Variants in AGPAT4 observed in about 807,000 individuals in gnomAD.
AGPAT4 encodes the protein 1-acylglycerol-3-phosphate O-acyltransferase 4, also known as 1-acyl-sn-glycerol-3-phosphate acyltransferase delta.
AGPAT4 carries 15 observed loss-of-function variants against 48.0 expected under a neutral mutation model. The observed-to-expected ratio is 0.31, with a 90% confidence interval of 0.21 to 0.48. The LOEUF is 0.48. AGPAT4 is among the 20% of genes least tolerant of loss of function. AGPAT4 has a pLI of 0.99. For synonymous variants in AGPAT4, 178 were observed against 198.7 expected, an observed-to-expected ratio of 0.90 and a Z score of 0.88; for missense variants, 314 against 482.5, an observed-to-expected ratio of 0.65 and a Z score of 3.27.
chr6:161,160,792 T>G (rs1367516554), intron 3 of AGPAT4: 2 of 351,238 alleles, frequency 5.7e-6, no homozygotes, highest in African/African-American at 4.3e-5. Flanking sequence ...CAGTTTCTCT[T>G]CTGAACGGAC....
In AGPAT4 at chr6:161,133,586, C is replaced by CTT. The variant is rs1371150104; in HGVS notation, c.*2952_*2953dup. 5 of 152,198 alleles carry CTT rather than the reference C, an allele frequency of 3.3e-5. No individual in the cohort carries two copies. Among genetic ancestry groups the CTT allele is most frequent in the African/African-American group, 9.7e-5 (4 of 41,438 alleles). The allele number at this position is 152,198 out of a possible 1,614,324, so 9.4% of individuals were successfully genotyped here. ...GCTGCATCTTCCAAATGGTTGGTGT[C>CTT]TTTTTAAGAGTCCCCGTGGGCTGGC... On this transcript the variant is annotated 3_prime_UTR_variant, in exon 9 of 9. Coordinates refer to ENST00000320285, the MANE Select transcript of AGPAT4 (RefSeq NM_020133.3).
intron 5 of AGPAT4, among the ~76,000 whole-genome samples, chr6:161,151,268 T>C (rs1192522443): frequency 2.0e-5 from 3 of 152,220 alleles, no homozygotes; most frequent in African/African-American, 7.2e-5. Flanking sequence ...GAAAAAGCAA[T>C]CTGCCTTCCT....
intron 1 of AGPAT4, among the ~76,000 whole-genome samples, chr6:161,260,078 C>T (rs1351744922): frequency 4.6e-5 from 7 of 152,130 alleles, no homozygotes; most frequent in Admixed American, 4.6e-4. Context: ...TTAACAAAAG[C>T]ACAGTGGGAT....
chr6:161,254,671 G>A lies in AGPAT4; in HGVS notation c.-90+19267C>T, dbSNP rs967792712. On this transcript the variant is annotated intron_variant, in intron 1 of 8. Coordinates refer to ENST00000320285, the MANE Select transcript of AGPAT4 (RefSeq NM_020133.3). This position sits in a 1 kb window ranked among gnomAD's most constrained non-coding sequence, Gnocchi z 5.9. ...TTCCACTCAGTCCTTCTCATGGAAA[G>A]CAGCATGGGTTAGCAAATCCTTAGA... 6.6e-6 allele frequency among the ~76,000 whole-genome samples: 1 copy of A among 152,152 alleles called. No individual in the cohort carries two copies. Among genetic ancestry groups the A allele is most frequent in the Admixed American group, 6.5e-5 (1 of 15,272 alleles).
chr6:161,154,406 G>T lies in AGPAT4; in HGVS notation c.349-96C>A. ...CTGAAGTAGAAAAAGAGGAGGGGAC[G>T]TTCACACCAGACGCCTCGGGACAGT... On this transcript the variant is annotated intron_variant, in intron 3 of 8. Transcript: ENST00000320285. The surrounding 1 kb of genome is among the most constrained non-coding windows in gnomAD (Gnocchi z 7.8). 7.0e-7 allele frequency: 1 copy of T among 1,426,688 alleles called. No individual in the cohort carries two copies. Among genetic ancestry groups the T allele is most frequent in the Non-Finnish European group, 9.6e-7 (1 of 1,039,008 alleles). 88.4% of individuals were successfully genotyped at this position (1,426,688 alleles called of 1,614,324 possible).
At position 161,236,772 on chromosome 6, in the gene AGPAT4, G is replaced by A. The variant is rs565413517; in HGVS notation, c.-89-4470C>T. On this transcript the variant is annotated intron_variant, in intron 1 of 8. Transcript: ENST00000320285. The surrounding 1 kb of genome is among the most constrained non-coding windows in gnomAD (Gnocchi z 5.0). Reference sequence around the variant, plus strand: ...AAAAAAATAGCTGGATGTGGTGGTGGGTGTCTGTAATCCCAGCTACTCGGG... The same window carrying A: ...AAAAAAATAGCTGGATGTGGTGGTGAGTGTCTGTAATCCCAGCTACTCGGG... 1.6e-4 allele frequency among the ~76,000 whole-genome samples: 25 copies of A among 152,104 alleles called. No homozygotes were observed. The highest frequency in any genetic ancestry group is 5.8e-4 in the African/African-American group (24 of 41,508).
Position 161,264,557 on chromosome 6 carries a change from C to T in AGPAT4, c.-90+9381G>A, listed in dbSNP as rs750638881. On this transcript the variant is annotated intron_variant, in intron 1 of 8. Coordinates refer to ENST00000320285, the MANE Select transcript of AGPAT4 (RefSeq NM_020133.3). This position sits in a 1 kb window ranked among gnomAD's most constrained non-coding sequence, Gnocchi z 6.8. ...GGTGAGGTGGTCCCCCTGGCGTGCCCGCGCATCCCTGCCCTGCAAGTCTTA... is the reference window on the plus strand; with the variant it reads ...GGTGAGGTGGTCCCCCTGGCGTGCCTGCGCATCCCTGCCCTGCAAGTCTTA... 1.3e-5 allele frequency among the ~76,000 whole-genome samples: 2 copies of T among 152,176 alleles called. No homozygotes were observed. The highest frequency in any genetic ancestry group is 1.5e-5 in the Non-Finnish European group (1 of 68,040).
Position 161,141,831 on chromosome 6 carries a change from T to A in AGPAT4, c.844-2211A>T, listed in dbSNP as rs1250881600. 2.6e-5 allele frequency among the ~76,000 whole-genome samples: 4 copies of A among 152,168 alleles called. No individual in the cohort carries two copies. Among genetic ancestry groups the A allele is most frequent in the African/African-American group, 9.7e-5 (4 of 41,440 alleles). ...GCAAGAAGAAAAAAGCACTCCCTTT[T>A]CTAGGAGCTTCCCAACTCAGAACTT... On this transcript the variant is annotated intron_variant, in intron 7 of 8. Transcript: ENST00000320285. The surrounding 1 kb of genome is among the most constrained non-coding windows in gnomAD (Gnocchi z 6.7).
intron 2 of AGPAT4, among the ~76,000 whole-genome samples, chr6:161,174,335 G>C (rs1780365242): frequency 6.6e-6 from 1 of 152,152 alleles, no homozygotes; most frequent in African/African-American, 2.4e-5. Context: ...GCAGTGGTTT[G>C]TAGTTCTCCT....
At chr6:161,209,031 G>GA (rs536444222) in intron 2 of AGPAT4, among the ~76,000 whole-genome samples, 2 of 151,954 alleles carry the variant, frequency 1.3e-5, no homozygotes, top group Admixed American at 6.6e-5. Flanking sequence ...GACTTTCAAG[G>GA]AAAAAAAAGT....
rs1470997900 is a variant in AGPAT4, at chr6:161,204,249, A to G, written c.178+27787T>C. ...TGTGTGTTTATTAATAATTTTGTCT[A>G]TCTTTCTATATAAAGGTAGTGTATA... is the stretch of plus-strand genomic sequence containing the variant. On this transcript the variant is annotated intron_variant, in intron 2 of 8. Transcript: ENST00000320285. This position sits in a 1 kb window ranked among gnomAD's most constrained non-coding sequence, Gnocchi z 4.4. 6.6e-6 allele frequency among the ~76,000 whole-genome samples: 1 copy of G among 152,194 alleles called. No homozygotes were observed.
chr6:161,152,336 G>A (rs572971355), intron 5 of AGPAT4, among the ~76,000 whole-genome samples: 25 of 152,176 alleles, frequency 1.6e-4, no homozygotes, highest in African/African-American at 5.1e-4. Context: ...CCTGGGTCCC[G>A]GCAGCCCCAG....
chr6:161,169,599 G>C lies in AGPAT4; in HGVS notation c.179-3182C>G, dbSNP rs1406727657. Among the ~76,000 whole-genome samples the C allele has an allele frequency of 6.6e-6, 1 of 152,126 alleles. No homozygotes were observed. The highest frequency in any genetic ancestry group is 2.4e-5 in the African/African-American group (1 of 41,430). ...AATCCTTCCACCTTGGCCTCCCAAA[G>C]TGCTGGGATTATAGGCATGAGCCAC... On this transcript the variant is annotated intron_variant, in intron 2 of 8. Transcript: ENST00000320285. The surrounding 1 kb of genome is among the most constrained non-coding windows in gnomAD (Gnocchi z 5.0).
chr6:161,258,047 G>A (rs978946598), intron 1 of AGPAT4, among the ~76,000 whole-genome samples: 9 of 152,144 alleles, frequency 5.9e-5, no homozygotes, highest in African/African-American at 1.9e-4. Context: ...TACTTCCTAC[G>A]TTAAAACACT....
rs117250485 is a variant in AGPAT4 at position 161,155,466 on chromosome 6, G to T, written c.349-1156C>A. Among the ~76,000 whole-genome samples, 1 of 152,012 alleles carries T rather than the reference G, an allele frequency of 6.6e-6. No homozygotes were observed. Among genetic ancestry groups the T allele is most frequent in the Non-Finnish European group, 1.5e-5 (1 of 68,000 alleles). On this transcript the variant is annotated intron_variant, in intron 3 of 8. Transcript: ENST00000320285. This position sits in a 1 kb window ranked among gnomAD's most constrained non-coding sequence, Gnocchi z 5.8. ...CTCCCCGTTACACCCATGCCTCTCC[G>T]CAGCTCCAGCTCAGCACAGGGTCAG...
rs146479488 is a variant in AGPAT4 at position 161,270,781 on chromosome 6, C to CA, written c.-90+3156dup. ...TGGGCGACAGAGCAAGACTTCATCT[C>CA]AAAAAAAAAATAAATGTGAATGCGG... On this transcript the variant is annotated intron_variant, in intron 1 of 8. Coordinates refer to ENST00000320285, the MANE Select transcript of AGPAT4 (RefSeq NM_020133.3). This position sits in a 1 kb window ranked among gnomAD's most constrained non-coding sequence, Gnocchi z 5.3. Among the ~76,000 whole-genome samples, 19,006 of 149,258 alleles carry CA rather than the reference C, an allele frequency of 0.13. 1,387 individuals carry two copies. Among genetic ancestry groups the CA allele is most frequent in the Non-Finnish European group, 0.16 (10,586 of 67,140 alleles).
chr6:161,136,961 A>ATTCT (rs1449855361), intron 8 of AGPAT4, among the ~76,000 whole-genome samples: 1 of 152,172 alleles, frequency 6.6e-6, no homozygotes, highest in Non-Finnish European at 1.5e-5. Context: ...GGTAAAGAGG[A>ATTCT]TTCTTTTGTG....
At chr6:161,173,395 T>G (rs1435260719) in intron 2 of AGPAT4, among the ~76,000 whole-genome samples, 1 of 152,242 alleles carries the variant, frequency 6.6e-6, no homozygotes, top group East Asian at 1.9e-4. Context: ...TGATGGCCAG[T>G]GATGATGAGC....
Position 161,130,404 on chromosome 6 carries a change from G to A in AGPAT4, c.*6136C>T, listed in dbSNP as rs1778863882. 6.4e-6 allele frequency: 1 copy of A among 156,432 alleles called. No individual in the cohort carries two copies. The highest frequency in any genetic ancestry group is 6.2e-5 in the Admixed American group (1 of 16,150). The allele number at this position is 156,432 out of a possible 1,614,324, so 9.7% of individuals were successfully genotyped here. A position where few individuals can be genotyped will look rare whatever the true frequency, so the allele number is the denominator to read the frequency against. On this transcript the variant is annotated 3_prime_UTR_variant, in exon 9 of 9. Transcript: ENST00000320285. ...TCCATTGAATGGTCTGTTCCTGAAT[G>A]TCGCCACAAAGCAGTCTGTAAAACC...
Sources: allele counts gnomAD v4.1 joint callset (sites outside exome capture counted in the v4.1 genomes callset), GRCh38; gene constraint gnomAD v4.1.1; non-coding constraint Gnocchi (gnomAD v3.1); transcripts MANE v1.5; gene names NCBI Gene and HGNC (gene_info 2026-07-23, HGNC 2026-07-21).